The following NEB variants were observed in gnomAD, a reference collection of about 807,000 sequenced individuals.
NEB encodes nemaline myopathy type 2.
A neutral mutation model predicts 952.2 loss-of-function variants in NEB; 512 were observed. That is an observed-to-expected ratio of 0.54 (90% CI 0.50 to 0.58). NEB has a LOEUF of 0.58. NEB is among the 20% of genes least tolerant of loss of function. NEB has a pLI of 0.00. For missense variants in NEB, 8,428 were observed against 9,231.1 expected, an observed-to-expected ratio of 0.91 and a Z score of 3.56; for synonymous variants, 2,900 against 3,149.8, an observed-to-expected ratio of 0.92 and a Z score of 2.66.
chr2:151,581,846 AC>A (rs2097110026), intron 102 of NEB, among the ~76,000 whole-genome samples: 1 of 143,478 alleles, frequency 7.0e-6, no homozygotes, highest in Non-Finnish European at 1.5e-5. Context: ...CGTAGATTAT[AC>A]ATAGCATAAG....
chr2:151,485,969 G>A (rs747518320), intron 181 of NEB, 36 bp from the exon 182 acceptor site: 2 of 1,600,724 alleles, frequency 1.2e-6, no homozygotes, highest in Non-Finnish European at 1.7e-6. Flanking sequence ...AATATTATAT[G>A]TTGGATTTGC....
chr2:151,528,840 A>G (rs1188517901), intron 146 of NEB, among the ~76,000 whole-genome samples: 1 of 152,226 alleles, frequency 6.6e-6, no homozygotes, highest in Non-Finnish European at 1.5e-5. Context: ...CATCAGAAGA[A>G]GCAGATTGTA....
At chr2:151,711,542 T>C (rs1047913324) in intron 10 of NEB, among the ~76,000 whole-genome samples, 4 of 152,210 alleles carry the variant, frequency 2.6e-5, no homozygotes, top group African/African-American at 9.7e-5. Context: ...TAATTTCCTT[T>C]CTTCTCAAAA....
intron 167 of NEB, among the ~76,000 whole-genome samples, chr2:151,502,496 T>G (rs1240796287): frequency 2.0e-5 from 3 of 152,126 alleles, no homozygotes; most frequent in South Asian, 2.1e-4. Flanking sequence ...GTGTTAGATT[T>G]TACTTTTGAC....
chr2:151,525,094 A>C, intron 151 of NEB, 69 bp downstream of exon 151: 1 of 1,089,420 alleles, frequency 9.2e-7, no homozygotes, highest in Non-Finnish European at 1.4e-6. Context: ...CACTGGAACA[A>C]GAGAATGCAC....
intron 35 of NEB, among the ~76,000 whole-genome samples, chr2:151,675,013 C>T (rs2099348050): frequency 6.6e-6 from 1 of 152,142 alleles, no homozygotes; most frequent in African/African-American, 2.4e-5. Flanking sequence ...ACCTCCCCCA[C>T]ATGCAAAACT....
intron 168 of NEB, among the ~76,000 whole-genome samples, chr2:151,500,175 G>C (rs1345965499): frequency 6.6e-6 from 1 of 152,122 alleles, no homozygotes; most frequent in Non-Finnish European, 1.5e-5. Context: ...TTGAAGGATT[G>C]TTAGTGAATA....
At chr2:151,492,792 A>G (rs372259638) in intron 176 of NEB, 1 of 234,232 alleles carries the variant, frequency 4.3e-6, no homozygotes, top group South Asian at 1.2e-4. Context: ...CAGCATCAAC[A>G]TATTCGATGG....
chr2:151,727,965 T>A lies in NEB; in HGVS notation c.79-59A>T, dbSNP rs2099796052. ...GAAAGTAAAAACTGTGCTACTGTGA[T>A]CTTAGTATATATTAGTCTAACTTCA... On this transcript the variant is annotated intron_variant, in intron 4 of 181. Coordinates refer to ENST00000397345, the MANE Select transcript of NEB (RefSeq NM_001164508.2). 6.1e-6 allele frequency: 8 copies of A among 1,316,180 alleles called. No individual in the cohort carries two copies. The South Asian group carries it at 9.9e-5, about 16-fold the overall frequency. 81.5% of individuals were successfully genotyped at this position (1,316,180 alleles called of 1,614,324 possible).
Position 151,507,471 on chromosome 2 carries a change from CCT to C in NEB, c.23452-460_23452-459del, listed in dbSNP as rs554538840. ...ACCTTCATTTAAAGCAGGCAATAAG[CCT>C]CTCCTTCCAGAAGGGTCCTCCCTAG... On this transcript the variant is annotated intron_variant, in intron 162 of 181. Transcript: ENST00000397345. Among the ~76,000 whole-genome samples the C allele has an allele frequency of 4.6e-5, 7 of 152,298 alleles. No homozygotes were observed. In the South Asian group the frequency reaches 1.4e-3, roughly 32 times the overall value.
chr2:151,533,548 T>C lies in NEB; in HGVS notation c.21313-2A>G, dbSNP rs1212081578. ...CTTGGCACTAGATTTATATTTTCTCTGTCCATGCAAAGAGCAGTGAAGCAC... is the reference window on the plus strand; with the variant it reads ...CTTGGCACTAGATTTATATTTTCTCCGTCCATGCAAAGAGCAGTGAAGCAC... On this transcript the variant is annotated splice_acceptor_variant, in intron 142 of 181. Coordinates refer to ENST00000397345, the MANE Select transcript of NEB (RefSeq NM_001164508.2). LOFTEE classifies it high-confidence loss of function. 3.2e-6 allele frequency: 5 copies of C among 1,544,258 alleles called. No individual in the cohort carries two copies. The highest frequency in any genetic ancestry group is 4.4e-6 in the Non-Finnish European group (5 of 1,140,498).
intron 172 of NEB, among the ~76,000 whole-genome samples, chr2:151,496,608 T>TGTTA (rs1397155425): frequency 6.6e-6 from 1 of 152,174 alleles, no homozygotes. Context: ...GAGTTATCCA[T>TGTTA]GTTATTTTTT....
Position 151,669,045 on chromosome 2 carries a change from GT to G in NEB, c.4592del (p.Asn1531ThrfsTer5), listed in dbSNP as rs1559050019. ...TACTCACATCACTCATGTTGAGGGC[GT>G]TGACTTTGGCTTGAATAAACTGAGG... ...ELPQFIQAKVNALNMSDAHYK... is the reference protein window; with the variant it reads ...ELPQFIQAKVXALNMSDAHYK... On this transcript the variant is annotated frameshift_variant, in exon 39 of 182. Transcript: ENST00000397345. LOFTEE classifies it high-confidence loss of function. 1 of 1,593,572 alleles carries G rather than the reference GT, an allele frequency of 6.3e-7. No homozygotes were observed. Among genetic ancestry groups the G allele is most frequent in the South Asian group, 1.1e-5 (1 of 87,768 alleles).
chr2:151,641,542 G>C (rs755673215), intron 60 of NEB, among the ~76,000 whole-genome samples: 109 of 152,240 alleles, frequency 7.2e-4, no homozygotes, highest in Admixed American at 1.2e-3. Context: ...TGTTGACCAG[G>C]CTGGTCTCAA....
chr2:151,689,729 T>C (rs2099532281), intron 24 of NEB: 1 of 152,188 alleles, frequency 6.6e-6, no homozygotes, highest in Admixed American at 6.5e-5. Flanking sequence ...TGTGACCACA[T>C]ACAGCACTGT....
chr2:151,629,766 C>A (rs971616216), intron 67 of NEB, 120 bp from the exon 68 acceptor site: 7 of 760,314 alleles, frequency 9.2e-6, no homozygotes, highest in South Asian at 1.7e-5. Flanking sequence ...ATTCAAGTTT[C>A]TGGCAATAGT....
intron 64 of NEB, 87 bp from the exon 65 acceptor site, chr2:151,634,052 T>C: frequency 7.1e-7 from 1 of 1,414,498 alleles, no homozygotes; most frequent in Non-Finnish European, 9.6e-7. Flanking sequence ...TACATCATAC[T>C]TCAACTGACT....
chr2:151,533,968 G>T (rs915174965), intron 142 of NEB, among the ~76,000 whole-genome samples: 2 of 152,196 alleles, frequency 1.3e-5, no homozygotes, highest in Non-Finnish European at 2.9e-5. Flanking sequence ...TTCTCCAGAA[G>T]AGTAAAGGAT....
intron 13 of NEB, among the ~76,000 whole-genome samples, chr2:151,705,540 G>T (rs2099702130): frequency 6.6e-6 from 1 of 152,102 alleles, no homozygotes; most frequent in African/African-American, 2.4e-5. Flanking sequence ...ACTGAAAATA[G>T]AACTACCATT....
Sources: allele counts gnomAD v4.1 joint callset (sites outside exome capture counted in the v4.1 genomes callset), GRCh38; gene constraint gnomAD v4.1.1; transcripts MANE v1.5; gene names NCBI Gene and HGNC (gene_info 2026-07-23, HGNC 2026-07-21).